The following SH3PXD2B variants were observed in gnomAD, a reference collection of about 807,000 sequenced individuals.
SH3PXD2B encodes SH3 and PX domains 2B, also known as SH3 and PX domain-containing protein 2B.
In SH3PXD2B, 37 loss-of-function variants were observed where a neutral mutation model predicts 73.1. The ratio of observed to expected loss-of-function variants is 0.51; its 90% confidence interval spans 0.39 to 0.67. SH3PXD2B has a LOEUF of 0.67. Ranked by LOEUF, SH3PXD2B falls within the 30% of genes least tolerant of loss-of-function variation. The probability of loss-of-function intolerance (pLI) is 0.00; values close to 1 mark genes in which losing one functional copy is unlikely to be tolerated. For missense variants in SH3PXD2B, 1,053 were observed against 1,197.8 expected, an observed-to-expected ratio of 0.88 and a Z score of 1.78; for synonymous variants, 457 against 480.5, an observed-to-expected ratio of 0.95 and a Z score of 0.64.
At chr5:172,372,684 T>C (rs78679326) in intron 6 of SH3PXD2B, among the ~76,000 whole-genome samples, 6,349 of 152,236 alleles carry the variant, frequency 0.042, 209 homozygotes, top group South Asian at 0.2. Context: ...ATAAATCCTA[T>C]AATAATCCCA....
chr5:172,342,463 CA>C (rs1321851854), intron 12 of SH3PXD2B, among the ~76,000 whole-genome samples: 1 of 152,124 alleles, frequency 6.6e-6, no homozygotes, highest in African/African-American at 2.4e-5. Context: ...TCTTGCCTCT[CA>C]GAAAAGAAAC....
chr5:172,347,840 G>A (rs1438786849), intron 10 of SH3PXD2B, among the ~76,000 whole-genome samples: 1 of 152,200 alleles, frequency 6.6e-6, no homozygotes, highest in Non-Finnish European at 1.5e-5. Flanking sequence ...ACCTGGTTTT[G>A]TGCTCTAGAA....
intron 1 of SH3PXD2B, among the ~76,000 whole-genome samples, chr5:172,423,547 G>A (rs1042515929): frequency 7.7e-6 from 1 of 129,796 alleles, no homozygotes; most frequent in East Asian, 2.0e-4. Flanking sequence ...TACGGGGTTG[G>A]GGGGGGGGGC....
At chr5:172,450,846 G>A (rs994499489) in intron 1 of SH3PXD2B, among the ~76,000 whole-genome samples, 15 of 152,130 alleles carry the variant, frequency 9.9e-5, no homozygotes, top group African/African-American at 3.4e-4. Context: ...CCAAGCCCTC[G>A]GGCTCTAGTG....
intron 1 of SH3PXD2B, among the ~76,000 whole-genome samples, chr5:172,433,592 C>A (rs946941120): frequency 6.6e-6 from 1 of 152,194 alleles, no homozygotes; most frequent in Non-Finnish European, 1.5e-5. Context: ...CACCAAGGAG[C>A]CCCTGCCGGG....
At chr5:172,450,339 CG>C (rs1474353613) in intron 1 of SH3PXD2B, among the ~76,000 whole-genome samples, 1 of 151,096 alleles carries the variant, frequency 6.6e-6, no homozygotes, top group Non-Finnish European at 1.5e-5. Flanking sequence ...GGAGGGCGTC[CG>C]GGGGGTTTGC....
At chr5:172,350,651 C>G in intron 9 of SH3PXD2B, 62 bp from the exon 10 acceptor site, 9 of 1,499,532 alleles carry the variant, frequency 6.0e-6, no homozygotes, top group Non-Finnish European at 7.3e-6. Context: ...AGAAGCCTTG[C>G]TCCTACTGGG....
intron 2 of SH3PXD2B, among the ~76,000 whole-genome samples, chr5:172,420,777 T>G (rs576807491): frequency 3.9e-5 from 6 of 152,320 alleles, no homozygotes; most frequent in African/African-American, 1.4e-4. Flanking sequence ...TTGCTGGGAT[T>G]TCTGACAAGT....
intron 3 of SH3PXD2B, among the ~76,000 whole-genome samples, chr5:172,395,257 C>T (rs1345647851): frequency 6.6e-6 from 1 of 152,196 alleles, no homozygotes; most frequent in Non-Finnish European, 1.5e-5. Flanking sequence ...ATGTGCTCTG[C>T]ACCAATAGGA....
Position 172,339,489 on chromosome 5 carries a change from C to CGCTCCA in SH3PXD2B, c.1610_1615dup (p.Leu537_Glu538dup), listed in dbSNP as rs780852861. ...CTCCGTCCTCTGCCGCTCCCGCTCC[C>CGCTCCA]GCTCCAGCAGCTCCCCCTCCGACTT... On this transcript the variant is annotated inframe_insertion, in exon 13 of 13. Transcript: ENST00000311601. This position sits in a 1 kb window ranked among gnomAD's most constrained non-coding sequence, Gnocchi z 6.1. 6.2e-7 allele frequency: 1 copy of CGCTCCA among 1,613,796 alleles called. No homozygotes were observed. Among genetic ancestry groups the CGCTCCA allele is most frequent in the Non-Finnish European group, 8.5e-7 (1 of 1,179,862 alleles).
At chr5:172,392,404 A>C (rs753299687) in intron 4 of SH3PXD2B, among the ~76,000 whole-genome samples, 5 of 152,218 alleles carry the variant, frequency 3.3e-5, no homozygotes, top group Admixed American at 2.0e-4. Flanking sequence ...TAAGCCAACC[A>C]GTTTGTGGTA....
At chr5:172,444,932 GC>G (rs1290842425) in intron 1 of SH3PXD2B, among the ~76,000 whole-genome samples, 2 of 152,154 alleles carry the variant, frequency 1.3e-5, no homozygotes, top group Non-Finnish European at 2.9e-5. Flanking sequence ...TCAGCCAGGA[GC>G]CCCCAGGTCC....
intron 10 of SH3PXD2B, among the ~76,000 whole-genome samples, chr5:172,348,666 T>TCTATCTATCTATC (rs1757067905): frequency 7.4e-5 from 3 of 40,392 alleles, no homozygotes; most frequent in Admixed American, 2.8e-4. Context: ...TATCTATCTA[T>TCTATCTATCTATC]CTATCTATCT....
chr5:172,325,304 T>G, exon 13 of SH3PXD2B: 1 of 1,535,450 alleles, frequency 6.5e-7, no homozygotes. Flanking sequence ...TGCCACGTGC[T>G]TCCCAAGTGC....
rs373154931 is a variant in SH3PXD2B at position 172,416,093 on chromosome 5, C to T, written c.156+6323G>A. On this transcript the variant is annotated intron_variant, in intron 2 of 12. Transcript: ENST00000311601. ...CTGTAATCCCAGCACTTTGGGAGGC[C>T]GAGGTGGGTGGGTGACTTGAGTCCA... Among the ~76,000 whole-genome samples, 33 of 152,146 alleles carry T rather than the reference C, an allele frequency of 2.2e-4. No individual in the cohort carries two copies. The South Asian group carries it at 3.3e-3, about 15-fold the overall frequency.
At chr5:172,381,257 C>A (rs1052870192) in intron 5 of SH3PXD2B, among the ~76,000 whole-genome samples, 1 of 152,170 alleles carries the variant, frequency 6.6e-6, no homozygotes, top group African/African-American at 2.4e-5. Context: ...CTTTTCAGCC[C>A]TTCTCGAATG....
intron 6 of SH3PXD2B, among the ~76,000 whole-genome samples, chr5:172,373,323 C>T (rs1445399437): frequency 6.6e-6 from 1 of 152,182 alleles, no homozygotes; most frequent in African/African-American, 2.4e-5. Flanking sequence ...CCCAGGGTCC[C>T]TCCTTTCCGA....
At chr5:172,379,002 G>A (rs1287355345) in intron 5 of SH3PXD2B, among the ~76,000 whole-genome samples, 22 of 151,018 alleles carry the variant, frequency 1.5e-4, no homozygotes, top group South Asian at 6.3e-4. Context: ...CCTGGGAGGC[G>A]GAGCTTGCAG....
chr5:172,373,909 C>T (rs1554137502), intron 5 of SH3PXD2B, 94 bp from the exon 6 acceptor site: 1 of 1,332,308 alleles, frequency 7.5e-7, no homozygotes, highest in Non-Finnish European at 1.1e-6. Flanking sequence ...AGATTCTCCA[C>T]CCCCCACAAC....
Sources: gnomAD v4.1 joint callset for allele counts (sites outside exome capture counted in the v4.1 genomes callset) on GRCh38, gnomAD v4.1.1 for gene constraint, Gnocchi (gnomAD v3.1) non-coding constraint, MANE v1.5 for transcripts, NCBI Gene and HGNC (gene_info 2026-07-23, HGNC 2026-07-21) for gene names.